ZNF569: variants seen among roughly 807,000 people sequenced by gnomAD.
The protein encoded by ZNF569 is zinc finger protein 569.
ZNF569 carries 38 observed loss-of-function variants against 56.3 expected under a neutral mutation model. The observed-to-expected ratio is 0.68, with a 90% CI of 0.52 to 0.88. The LOEUF (loss-of-function observed/expected upper bound fraction) is 0.88. Among genes scored for constraint, ZNF569 ranks in the 40% least tolerant of loss-of-function variants. ZNF569 has a pLI of 0.00. For missense variants in ZNF569, 666 were observed against 809.2 expected, an observed-to-expected ratio of 0.82 and a Z score of 2.15; for synonymous variants, 241 against 262.9, an observed-to-expected ratio of 0.92 and a Z score of 0.81.
Position 37,413,289 on chromosome 19 carries a change from G to C in ZNF569, c.1369C>G (p.Gln457Glu), listed in dbSNP as rs1480264979. 1.2e-6 allele frequency: 2 copies of C among 1,609,536 alleles called. No individual in the cohort carries two copies. Among genetic ancestry groups the C allele is most frequent in the East Asian group, 4.5e-5 (2 of 44,724 alleles). ...FIQMSNLVRH[Q>E]RIHTGEKPYI... is the part of the protein sequence containing the mutation. ...GGTTTTTCCCCAGTATGAATTCTCT[G>C]GTGTCTAACAAGATTTGACATCTGT... The change falls in exon 6 of 6, where the codon CAG (glutamine) becomes GAG (glutamate). Residue 457 changes from glutamine to glutamate, a missense_variant. Gln to Glu is a conservative substitution (Grantham distance 29). Transcript: ENST00000316950.
At chr19:37,428,302 A>G (rs2041168120) in intron 3 of ZNF569, among the ~76,000 whole-genome samples, 1 of 152,124 alleles carries the variant, frequency 6.6e-6, no homozygotes, top group African/African-American at 2.4e-5. Flanking sequence ...AGGCTAGTTC[A>G]AGGCCAGTCT....
chr19:37,448,103 G>C (rs2041528523), intron 2 of ZNF569, among the ~76,000 whole-genome samples: 1 of 152,134 alleles, frequency 6.6e-6, no homozygotes, highest in South Asian at 2.1e-4. Context: ...AAAATCAGAT[G>C]AAAAGTCTTC....
intron 5 of ZNF569, among the ~76,000 whole-genome samples, chr19:37,416,258 CAAAA>C (rs1255894148): frequency 7.8e-6 from 1 of 129,004 alleles, no homozygotes; most frequent in African/African-American, 2.9e-5. Context: ...AACAAAAAAA[CAAAA>C]AAACAAAAAA....
At chr19:37,425,318 A>ATTTTT (rs770808954) in intron 5 of ZNF569, among the ~76,000 whole-genome samples, 1 of 104,148 alleles carries the variant, frequency 9.6e-6, no homozygotes, top group Non-Finnish European at 1.8e-5. Context: ...CACGTGGCTA[A>ATTTTT]TTTTTTTTTT....
chr19:37,451,725 A>G (rs2041596422), intron 2 of ZNF569, among the ~76,000 whole-genome samples: 1 of 151,908 alleles, frequency 6.6e-6, no homozygotes, highest in South Asian at 2.1e-4. Context: ...CTTAAATCCT[A>G]TTTTATCTGA....
intron 2 of ZNF569, among the ~76,000 whole-genome samples, chr19:37,461,967 A>T (rs1477459477): frequency 6.6e-6 from 1 of 152,132 alleles, no homozygotes; most frequent in Non-Finnish European, 1.5e-5. Context: ...AAATACTAAC[A>T]TTAAGTGGGT....
chr19:37,458,953 G>C (rs1419934551), intron 2 of ZNF569, among the ~76,000 whole-genome samples: 1 of 151,976 alleles, frequency 6.6e-6, no homozygotes, highest in Admixed American at 6.6e-5. Context: ...CCTGAAAATA[G>C]AAACTTCAAA....
chr19:37,450,196 T>C (rs374486539), intron 2 of ZNF569, among the ~76,000 whole-genome samples: 4 of 152,330 alleles, frequency 2.6e-5, no homozygotes, highest in African/African-American at 7.2e-5. Context: ...TCCTCCTCAA[T>C]ATTCTGAAAG....
At chr19:37,441,980 CAA>C (rs1298675890) in intron 3 of ZNF569, among the ~76,000 whole-genome samples, 1 of 152,150 alleles carries the variant, frequency 6.6e-6, no homozygotes, top group African/African-American at 2.4e-5. Flanking sequence ...AAATAATTGT[CAA>C]GAGAACAATT....
At chr19:37,456,063 G>A (rs1436110719) in intron 2 of ZNF569, among the ~76,000 whole-genome samples, 3 of 152,250 alleles carry the variant, frequency 2.0e-5, no homozygotes, top group Non-Finnish European at 2.9e-5. Flanking sequence ...AGGCTTCTCA[G>A]AAAAACAGTT....
chr19:37,419,965 CTTTCTTT>C (rs1187184787), intron 5 of ZNF569, among the ~76,000 whole-genome samples: 64 of 109,482 alleles, frequency 5.8e-4, no homozygotes, highest in Middle Eastern at 5.0e-3. Flanking sequence ...TTTTTCTTTT[CTTTCTTT>C]TTTTTTTTTT....
intron 3 of ZNF569, 33 bp from the exon 4 acceptor site, chr19:37,426,411 C>T (rs758876046): frequency 6.4e-7 from 1 of 1,559,956 alleles, no homozygotes; most frequent in East Asian, 2.3e-5. Context: ...AATCTGAAGT[C>T]ATCCATCTTG....
At chr19:37,457,599 ACAC>A (rs2041693442) in intron 2 of ZNF569, among the ~76,000 whole-genome samples, 2 of 151,224 alleles carry the variant, frequency 1.3e-5, no homozygotes, top group African/African-American at 4.9e-5. Flanking sequence ...AGAAAACCAA[ACAC>A]CACATGTTCT....
chr19:37,469,221 C>A, upstream of ZNF569: 1 of 1,319,530 alleles, frequency 7.6e-7, no homozygotes, highest in South Asian at 1.8e-5. Flanking sequence ...ACAAACCCTG[C>A]GCGGAGCTGC....
chr19:37,454,442 C>A (rs965428725), intron 2 of ZNF569, among the ~76,000 whole-genome samples: 2 of 152,084 alleles, frequency 1.3e-5, no homozygotes, highest in Non-Finnish European at 2.9e-5. Flanking sequence ...AGTGCTCTTG[C>A]CGCTCTGCCA....
chr19:37,446,567 A>AAAAAAAAAAAAAAAAAG (rs1555839149), intron 2 of ZNF569, among the ~76,000 whole-genome samples: 1 of 141,000 alleles, frequency 7.1e-6, no homozygotes, highest in Non-Finnish European at 1.5e-5. Flanking sequence ...AAAAAAAAAA[A>AAAAAAAAAAAAAAAAAG]AAGAATGAAA....
chr19:37,425,611 G>A (rs951081245), intron 5 of ZNF569: 5 of 250,000 alleles, frequency 2.0e-5, no homozygotes, highest in Non-Finnish European at 3.9e-5. Context: ...GCAAGCCACT[G>A]TGCCAGGCCC....
chr19:37,465,121 T>C (rs987912026), intron 2 of ZNF569, among the ~76,000 whole-genome samples, 192 bp downstream of exon 2: 2 of 152,222 alleles, frequency 1.3e-5, no homozygotes, highest in African/African-American at 4.8e-5. Context: ...CTGCCTGGAA[T>C]AACTTTTCTC....
intron 5 of ZNF569, among the ~76,000 whole-genome samples, chr19:37,421,743 CTTTTTTTTTTTTT>C (rs748058159): frequency 3.8e-5 from 3 of 79,662 alleles, no homozygotes; most frequent in Admixed American, 1.6e-4. Flanking sequence ...TGTAGTGGCA[CTTTTTTTTTTTTT>C]TTTTTTTTTT....
Sources: allele counts gnomAD v4.1 joint callset (sites outside exome capture counted in the v4.1 genomes callset), GRCh38; gene constraint gnomAD v4.1.1; transcripts MANE v1.5; gene names NCBI Gene and HGNC (gene_info 2026-07-23, HGNC 2026-07-21).